Variants in SHPRH observed in about 807,000 individuals in gnomAD.
The protein encoded by SHPRH is E3 ubiquitin-protein ligase SHPRH.
A neutral mutation model predicts 202.5 loss-of-function variants in SHPRH; 106 were observed. The ratio of observed to expected loss-of-function variants is 0.52; its 90% CI spans 0.45 to 0.62. The LOEUF (loss-of-function observed/expected upper bound fraction) is 0.62. SHPRH is among the 20% of genes least tolerant of loss of function. The pLI, the probability that SHPRH is intolerant of heterozygous loss-of-function variation, is 0.00. For synonymous variants in SHPRH, 729 were observed against 686.0 expected (o/e 1.06, Z -0.98); for missense variants, 1,710 against 2,020.0 (o/e 0.85, Z 2.94).
At chr6:145,866,138 A>G (rs1017934756) in intron 2 of SHPRH, among the ~76,000 whole-genome samples, 1 of 152,266 alleles carries the variant, frequency 6.6e-6, no homozygotes, top group East Asian at 1.9e-4. Context: ...CCAAGGGGGA[A>G]AAACAGTTGC....
chr6:145,950,457 A>C lies in SHPRH; in HGVS notation c.789T>G (p.Asp263Glu). The change falls in exon 4 of 30, where the codon GAT becomes GAG. Residue 263 changes from aspartate to glutamate, a missense_variant. Transcript: ENST00000275233. ...CTTGTCCCTCTGGCTCACTCTCCGG[A>C]TCATCTTCATCCTCTTCCAACACAT... ...IPDVLEEDED[D>E]PESEPEGQDI... 5 of 1,612,930 alleles carry C rather than the reference A, an allele frequency of 3.1e-6. No individual in the cohort carries two copies. The highest frequency in any genetic ancestry group is 4.2e-6 in the Non-Finnish European group (5 of 1,179,262).
chr6:145,926,705 C>T (rs1322332877), intron 15 of SHPRH, among the ~76,000 whole-genome samples: 1 of 151,820 alleles, frequency 6.6e-6, no homozygotes, highest in Non-Finnish European at 1.5e-5. Flanking sequence ...TCTTATTTAG[C>T]TAGAGAGCCT....
At chr6:145,950,181 A>G in intron 4 of SHPRH, 83 bp downstream of exon 4, 2 of 1,096,664 alleles carry the variant, frequency 1.8e-6, no homozygotes, top group Non-Finnish European at 2.6e-6. Context: ...TGTTTATTTT[A>G]ATGATCAATT....
chr6:145,861,991 TGTCAGGGAC>T (rs754931510), downstream of SHPRH, among the ~76,000 whole-genome samples: 11 of 152,172 alleles, frequency 7.2e-5, no homozygotes, highest in Non-Finnish European at 1.0e-4. Flanking sequence ...GAATGGCAGT[TGTCAGGGAC>T]CAGGGGTGGG....
chr6:145,934,401 G>A (rs915087548), intron 13 of SHPRH, among the ~76,000 whole-genome samples: 2 of 139,996 alleles, frequency 1.4e-5, no homozygotes, highest in African/African-American at 2.5e-5. Context: ...AGGAGGCAGA[G>A]ATTGCAGTGA....
intron 2 of SHPRH, among the ~76,000 whole-genome samples, chr6:145,952,695 T>C (rs1462433374): frequency 6.6e-6 from 1 of 152,054 alleles, no homozygotes; most frequent in East Asian, 1.9e-4. Flanking sequence ...TTCGAGTTGC[T>C]GGAAAAAAAT....
intron 15 of SHPRH, among the ~76,000 whole-genome samples, chr6:145,926,937 A>G (rs1202162172): frequency 6.6e-6 from 1 of 151,954 alleles, no homozygotes; most frequent in African/African-American, 2.4e-5. Context: ...ACTTTGAGCT[A>G]TTTTTAACTG....
intron 28 of SHPRH, among the ~76,000 whole-genome samples, chr6:145,889,607 C>T (rs1439711230): frequency 6.6e-6 from 1 of 152,252 alleles, no homozygotes; most frequent in East Asian, 1.9e-4. Flanking sequence ...AAATCACCTT[C>T]AGGCTATGAG....
intron 2 of SHPRH, among the ~76,000 whole-genome samples, chr6:145,867,631 T>TATATATATAGAGAGAGAG (rs1554220329): frequency 1.3e-4 from 3 of 22,314 alleles, no homozygotes; most frequent in Non-Finnish European, 2.3e-4. Flanking sequence ...TATATATATA[T>TATATATATAGAGAGAGAG]AGAGAGAGAG....
At chr6:145,911,696 A>T in intron 24 of SHPRH, among the ~76,000 whole-genome samples, 1 of 151,148 alleles carries the variant, frequency 6.6e-6, no homozygotes, top group Non-Finnish European at 1.5e-5. Context: ...TAAGATTTGG[A>T]CATGTATGGA....
In SHPRH at chr6:145,910,390, C is replaced by T; in HGVS notation, c.4515+58G>A. 3 of 1,561,784 alleles carry T rather than the reference C, an allele frequency of 1.9e-6. No individual in the cohort carries two copies. The South Asian group carries it at 3.5e-5, about 18-fold the overall frequency. On this transcript the variant is annotated intron_variant, in intron 25 of 29. Coordinates refer to ENST00000275233, the MANE Select transcript of SHPRH (RefSeq NM_001042683.3). ...ATGTTCATGCTTTCTTAATCAGATACTGCTTCCTATATTATATTGCCTTAC... is the reference window on the plus strand; with the variant it reads ...ATGTTCATGCTTTCTTAATCAGATATTGCTTCCTATATTATATTGCCTTAC...
chr6:145,890,182 T>C (rs1781458631), intron 28 of SHPRH, among the ~76,000 whole-genome samples: 1 of 152,260 alleles, frequency 6.6e-6, no homozygotes, highest in African/African-American at 2.4e-5. Flanking sequence ...AGCAGTGCAC[T>C]GTGGTTAAAG....
intron 5 of SHPRH, 82 bp from the exon 6 acceptor site, chr6:145,947,725 A>G: frequency 6.7e-7 from 1 of 1,500,202 alleles, no homozygotes; most frequent in Non-Finnish European, 9.0e-7. Flanking sequence ...CCTAAAGAGA[A>G]CTGGAAGCAA....
chr6:145,935,223 C>A (rs1327196712), intron 12 of SHPRH, 55 bp downstream of exon 12: 1 of 1,601,120 alleles, frequency 6.2e-7, no homozygotes, highest in Non-Finnish European at 8.5e-7. Flanking sequence ...CTTTCCATCC[C>A]AATTGTTTCT....
intron 3 of SHPRH, 42 bp downstream of exon 3, chr6:145,952,307 C>T: frequency 6.5e-7 from 1 of 1,540,908 alleles, no homozygotes; most frequent in South Asian, 1.3e-5. Context: ...AAACTCACAA[C>T]TCCTAAGTAA....
At chr6:145,910,348 C>A in intron 25 of SHPRH, 100 bp downstream of exon 25, 1 of 1,358,294 alleles carries the variant, frequency 7.4e-7, no homozygotes, top group Non-Finnish European at 1.0e-6. Flanking sequence ...TACCTATTCA[C>A]TGTCAAGCTT....
At chr6:145,948,823 T>A (rs557756652) in intron 4 of SHPRH, among the ~76,000 whole-genome samples, 1 of 152,152 alleles carries the variant, frequency 6.6e-6, no homozygotes, top group Middle Eastern at 3.4e-3. Context: ...AAAGGCTTAC[T>A]TAACTGGGAA....
At chr6:145,932,958 G>GA (rs1351811088) in intron 14 of SHPRH, 99 bp downstream of exon 14, 51 of 1,303,944 alleles carry the variant, frequency 3.9e-5, no homozygotes, top group Non-Finnish European at 5.1e-5. Flanking sequence ...CTTTTTGGGG[G>GA]AAAAATCCCC....
intron 2 of SHPRH, among the ~76,000 whole-genome samples, chr6:145,864,969 A>ACACACACACT (rs1312649501): frequency 1.3e-5 from 2 of 151,788 alleles, no homozygotes; most frequent in African/African-American, 4.8e-5. Context: ...ACACACACAC[A>ACACACACACT]CACACACACT....
Sources: allele counts gnomAD v4.1 joint callset (sites outside exome capture counted in the v4.1 genomes callset), GRCh38; gene constraint gnomAD v4.1.1; transcripts MANE v1.5; gene names NCBI Gene and HGNC (gene_info 2026-07-23, HGNC 2026-07-21).